RANBP2: variants seen among roughly 807,000 people sequenced by gnomAD.
RANBP2 encodes the protein RAN binding protein 2, also known as E3 SUMO-protein ligase RanBP2.
RANBP2 carries 57 observed loss-of-function variants against 303.6 expected under a neutral mutation model. The ratio of observed to expected loss-of-function variants is 0.19; its 90% CI spans 0.15 to 0.23. The LOEUF (loss-of-function observed/expected upper bound fraction) is 0.23, where lower values mean the gene tolerates loss of function less well. Ranked by LOEUF, RANBP2 falls within the 10% of genes least tolerant of loss-of-function variation. The pLI, the probability that RANBP2 is intolerant of heterozygous loss-of-function variation, is 1.00. For missense variants in RANBP2, 3,138 were observed against 3,780.8 expected, an observed-to-expected ratio of 0.83 and a Z score of 4.46; for synonymous variants, 1,167 against 1,301.5, an observed-to-expected ratio of 0.90 and a Z score of 2.23.
the RANBP2 span, among the ~76,000 whole-genome samples, chr2:109,639,914 T>C: frequency 2.6e-5 from 4 of 151,788 alleles, no homozygotes; most frequent in African/African-American, 9.6e-5. Context: ...TTTCACCATA[T>C]TGGTCAGGCT....
In RANBP2 at chr2:108,764,485, T is replaced by A. The variant is rs1431174306; in HGVS notation, c.3946T>A (p.Ser1316Thr). Residue 1316 changes from serine (S) to threonine (T), a missense_variant, in exon 20 of 29, where the codon TCA becomes ACA. By Grantham distance (58) the Ser-to-Thr change is moderately conservative. Transcript: ENST00000283195. Reference protein sequence around the residue: ...KAPGTNVAMASNQAVRIVKEP... With the variant: ...KAPGTNVAMATNQAVRIVKEP... ...CCCAGGAACAAATGTAGCCATGGCG[T>A]CAAATCAGGCTGTCAGAATTGTAAA... 1.5e-5 allele frequency: 24 copies of A among 1,613,848 alleles called. No individual in the cohort carries two copies. Among genetic ancestry groups the A allele is most frequent in the Non-Finnish European group, 1.9e-5 (23 of 1,179,986 alleles).
the RANBP2 span, among the ~76,000 whole-genome samples, chr2:109,358,478 G>A: frequency 6.6e-6 from 1 of 152,216 alleles, no homozygotes; most frequent in African/African-American, 2.4e-5. Flanking sequence ...TTTCCAAACT[G>A]TGTTCCAAAG....
At chr2:109,134,857 G>A in the RANBP2 span, among the ~76,000 whole-genome samples, 1 of 152,224 alleles carries the variant, frequency 6.6e-6, no homozygotes, top group Non-Finnish European at 1.5e-5. Context: ...AGTGCACAGA[G>A]CAGTGTGGCC....
the RANBP2 span, among the ~76,000 whole-genome samples, chr2:109,247,152 T>A: frequency 1.3e-5 from 2 of 152,138 alleles, no homozygotes; most frequent in African/African-American, 4.8e-5. Context: ...ACATGAAACA[T>A]GGAGTTTGGG....
At chr2:108,731,684 T>C (rs1695181894) in intron 4 of RANBP2, 3 of 959,966 alleles carry the variant, frequency 3.1e-6, no homozygotes, top group Non-Finnish European at 4.4e-6. Context: ...CATTTACCTT[T>C]CTGGAATAAT....
At chr2:108,860,169 G>A in the RANBP2 span, among the ~76,000 whole-genome samples, 1 of 151,788 alleles carries the variant, frequency 6.6e-6, no homozygotes, top group Non-Finnish European at 1.5e-5. Context: ...TTTGATGTAA[G>A]CTACTGATTT....
chr2:109,705,256 T>C, the RANBP2 span, among the ~76,000 whole-genome samples: 1 of 151,620 alleles, frequency 6.6e-6, no homozygotes, highest in Non-Finnish European at 1.5e-5. Flanking sequence ...AATATAAAAA[T>C]TAGCTCGGTG....
the RANBP2 span, among the ~76,000 whole-genome samples, chr2:109,193,852 C>T: frequency 6.6e-6 from 1 of 152,256 alleles, no homozygotes; most frequent in South Asian, 2.1e-4. Context: ...TCGTCTAGCC[C>T]CGGGGATGGG....
the RANBP2 span, among the ~76,000 whole-genome samples, chr2:109,266,681 G>A: frequency 4.6e-5 from 7 of 152,026 alleles, no homozygotes; most frequent in Non-Finnish European, 1.5e-5. Flanking sequence ...CCAGTGCTCA[G>A]CCACAGATTG....
the RANBP2 span, among the ~76,000 whole-genome samples, chr2:109,457,264 C>T: frequency 1.3e-5 from 2 of 152,086 alleles, no homozygotes; most frequent in Non-Finnish European, 2.9e-5. Context: ...TTAAATGATC[C>T]ATACAGATGT....
At chr2:109,140,948 A>G in the RANBP2 span, among the ~76,000 whole-genome samples, 1 of 151,992 alleles carries the variant, frequency 6.6e-6, no homozygotes, top group Non-Finnish European at 1.5e-5. Flanking sequence ...CATAACCCCC[A>G]CCTTCCATCC....
the RANBP2 span, among the ~76,000 whole-genome samples, chr2:109,392,872 C>G: frequency 7.4e-4 from 112 of 152,268 alleles, 1 homozygote; most frequent in African/African-American, 2.6e-3. Context: ...GGAAGCCTTT[C>G]TCCTTAAAGG....
chr2:109,337,078 T>G, the RANBP2 span, among the ~76,000 whole-genome samples: 1 of 152,268 alleles, frequency 6.6e-6, no homozygotes, highest in Non-Finnish European at 1.5e-5. Context: ...GTATTTAGTA[T>G]CCTAAATGTA....
chr2:109,199,624 G>GATTCAACCCA, the RANBP2 span, among the ~76,000 whole-genome samples: 1 of 104 alleles, frequency 9.6e-3, no homozygotes, highest in Admixed American at 0.083. Context: ...GAATGGAATG[G>GATTCAACCCA]AATGGAATGG....
At chr2:108,943,597 C>T in the RANBP2 span, among the ~76,000 whole-genome samples, 2 of 152,154 alleles carry the variant, frequency 1.3e-5, no homozygotes, top group Non-Finnish European at 2.9e-5. Flanking sequence ...TCACCACGGG[C>T]TTGGGAGGAC....
At chr2:108,846,530 A>C in the RANBP2 span, among the ~76,000 whole-genome samples, 18 of 151,308 alleles carry the variant, frequency 1.2e-4, no homozygotes, top group African/African-American at 4.4e-4. Context: ...AAAAAAAAAA[A>C]CCTGAGTGTG....
chr2:108,760,304 A>G (rs188372828), intron 18 of RANBP2, among the ~76,000 whole-genome samples: 150 of 152,226 alleles, frequency 9.9e-4, no homozygotes, highest in African/African-American at 3.4e-3. Flanking sequence ...GATTGTTACC[A>G]TGTTACTATG....
At chr2:108,752,102 T>A in intron 12 of RANBP2, 108 bp downstream of exon 12, 1 of 1,577,856 alleles carries the variant, frequency 6.3e-7, no homozygotes. Flanking sequence ...CTTGGTCACA[T>A]TATGACAGAT....
the RANBP2 span, among the ~76,000 whole-genome samples, chr2:109,285,078 GC>G: frequency 6.6e-6 from 1 of 152,230 alleles, no homozygotes; most frequent in Non-Finnish European, 1.5e-5. Flanking sequence ...CCTGGAAGAG[GC>G]CCAGGCAGCT....
Sources: gnomAD v4.1 joint callset for allele counts (sites outside exome capture counted in the v4.1 genomes callset) on GRCh38, gnomAD v4.1.1 for gene constraint, MANE v1.5 for transcripts, NCBI Gene and HGNC (gene_info 2026-07-23, HGNC 2026-07-21) for gene names.